CNBD1: variants seen among roughly 807,000 people sequenced by gnomAD.
The protein encoded by CNBD1 is cyclic nucleotide binding domain containing 1, also known as cyclic nucleotide-binding domain-containing protein 1.
Under a neutral mutation model 54.4 loss-of-function variants are expected in CNBD1, and 71 were observed. The ratio of observed to expected loss-of-function variants is 1.30; its 90% CI spans 1.08 to 1.59. CNBD1 has a LOEUF of 1.59. CNBD1 is among the 40% of genes most tolerant of loss of function. The pLI is 0.00. For missense variants in CNBD1, 659 were observed against 518.0 expected (o/e 1.27, Z -2.64); for synonymous variants, 182 against 170.7 (o/e 1.07, Z -0.51).
chr8:87,317,822 C>T (rs114050037), intron 8 of CNBD1, among the ~76,000 whole-genome samples: 2,016 of 152,068 alleles, frequency 0.013, 36 homozygotes, highest in African/African-American at 0.046. Flanking sequence ...ACTCTAAATA[C>T]ATAAGATTAG....
At chr8:87,178,788 G>A (rs1455767051) in intron 4 of CNBD1, among the ~76,000 whole-genome samples, 1 of 152,194 alleles carries the variant, frequency 6.6e-6, no homozygotes, top group Non-Finnish European at 1.5e-5. Context: ...AGAATACACA[G>A]GGCTTTCACA....
intron 8 of CNBD1, among the ~76,000 whole-genome samples, chr8:87,337,406 G>T (rs560743212): frequency 1.3e-5 from 2 of 152,294 alleles, no homozygotes; most frequent in Non-Finnish European, 2.9e-5. Context: ...AGCTGGAGTT[G>T]GATTTCCTAC....
intron 3 of CNBD1, among the ~76,000 whole-genome samples, chr8:86,932,847 C>G (rs933746089): frequency 2.6e-5 from 4 of 151,758 alleles, no homozygotes; most frequent in African/African-American, 9.7e-5. Flanking sequence ...TTTTTTCTTC[C>G]CCGCCCAATA....
rs76980282 is a variant in CNBD1, at chr8:87,276,278, G to T, written c.772-8400G>T. On this transcript the variant is annotated intron_variant, in intron 6 of 10. Transcript: ENST00000518476. The stretch of plus-strand genomic sequence containing the variant: ...CCTTTTATTAAGATGCTGTCATCTT[G>T]ATCCTTCTTTCAGTTTTTATTTTAT... Among the ~76,000 whole-genome samples the T allele has an allele frequency of 1.1e-3, 168 of 151,820 alleles. 3 individuals carry two copies. In the East Asian group the frequency reaches 0.027, roughly 25 times the overall value.
At chr8:87,164,190 G>A (rs1812913949) in intron 4 of CNBD1, among the ~76,000 whole-genome samples, 1 of 151,770 alleles carries the variant, frequency 6.6e-6, no homozygotes, top group South Asian at 2.1e-4. Context: ...TATTGAATAT[G>A]GTTTGCTGAT....
At chr8:87,309,868 G>A (rs59721110) in intron 8 of CNBD1, among the ~76,000 whole-genome samples, 7,735 of 152,044 alleles carry the variant, frequency 0.051, 644 homozygotes, top group African/African-American at 0.18. Context: ...AATAAAAGGT[G>A]TCCAAATAGG....
intron 4 of CNBD1, among the ~76,000 whole-genome samples, chr8:87,015,977 C>CAA (rs58453987): frequency 0.013 from 709 of 54,884 alleles, 2 homozygotes; most frequent in Non-Finnish European, 0.015. Flanking sequence ...GAATCCGTCT[C>CAA]AAAAAAAAAA....
At chr8:87,193,477 A>G (rs1395574036) in intron 4 of CNBD1, among the ~76,000 whole-genome samples, 1 of 152,220 alleles carries the variant, frequency 6.6e-6, no homozygotes, top group Non-Finnish European at 1.5e-5. Flanking sequence ...AATCAGTTTC[A>G]TCCCCAAATA....
intron 3 of CNBD1, among the ~76,000 whole-genome samples, chr8:86,906,956 T>C (rs1268869802): frequency 6.6e-6 from 1 of 152,214 alleles, no homozygotes; most frequent in Non-Finnish European, 1.5e-5. Context: ...AATTAAGATT[T>C]GTTTAAGTGT....
chr8:87,028,521 A>C (rs758787522), intron 4 of CNBD1, among the ~76,000 whole-genome samples: 3 of 152,226 alleles, frequency 2.0e-5, no homozygotes, highest in Non-Finnish European at 2.9e-5. Flanking sequence ...CCAAGGAGGA[A>C]GGCTTTAATC....
chr8:86,967,820 C>G (rs1262129433), intron 4 of CNBD1, among the ~76,000 whole-genome samples: 1 of 148,022 alleles, frequency 6.8e-6, no homozygotes, highest in South Asian at 2.1e-4. Context: ...TTTTTTTTAA[C>G]CTGCAGTTTT....
chr8:86,933,873 T>C (rs1809499855), intron 3 of CNBD1, among the ~76,000 whole-genome samples: 1 of 152,154 alleles, frequency 6.6e-6, no homozygotes, highest in Admixed American at 6.5e-5. Context: ...AACAATCCAA[T>C]TGAGTACATT....
intron 5 of CNBD1, among the ~76,000 whole-genome samples, chr8:87,233,370 T>C (rs1057113772): frequency 1.3e-5 from 2 of 152,204 alleles, no homozygotes; most frequent in African/African-American, 4.8e-5. Context: ...ATCACGATAA[T>C]GTGAGTCACA....
intron 2 of CNBD1, among the ~76,000 whole-genome samples, chr8:87,390,973 C>G (rs1476052431): frequency 2.0e-5 from 3 of 151,888 alleles, no homozygotes; most frequent in Non-Finnish European, 4.4e-5. Context: ...CCATCATTCT[C>G]AGCAAACTAT....
At chr8:87,353,592 T>C in intron 9 of CNBD1, 44 bp from the exon 10 acceptor site, 1 of 1,255,722 alleles carries the variant, frequency 8.0e-7, no homozygotes, top group South Asian at 1.4e-5. Context: ...ATTCATTATA[T>C]GGAAGCAGTT....
chr8:87,183,848 A>G (rs984927688), intron 4 of CNBD1, among the ~76,000 whole-genome samples: 1 of 152,214 alleles, frequency 6.6e-6, no homozygotes, highest in East Asian at 1.9e-4. Flanking sequence ...CCCTGGGGGC[A>G]CTAGGACCAG....
chr8:86,881,802 C>G (rs1409088385), intron 1 of CNBD1, among the ~76,000 whole-genome samples: 1 of 152,108 alleles, frequency 6.6e-6, no homozygotes, highest in African/African-American at 2.4e-5. Flanking sequence ...CAGCATGGTA[C>G]CAGTACAAGA....
intron 4 of CNBD1, among the ~76,000 whole-genome samples, chr8:87,048,634 C>T (rs1810250110): frequency 1.3e-5 from 2 of 152,122 alleles, no homozygotes; most frequent in South Asian, 4.1e-4. Flanking sequence ...TTAATTAGTA[C>T]TCTTACCACC....
chr8:87,330,307 T>G (rs962706660), intron 8 of CNBD1, among the ~76,000 whole-genome samples: 4 of 151,622 alleles, frequency 2.6e-5, no homozygotes, highest in Non-Finnish European at 5.9e-5. Context: ...GTTTTGGTTT[T>G]GTTGATTTTC....
Sources: gnomAD v4.1 joint callset for allele counts (sites outside exome capture counted in the v4.1 genomes callset) on GRCh38, gnomAD v4.1.1 for gene constraint, MANE v1.5 for transcripts, NCBI Gene and HGNC (gene_info 2026-07-23, HGNC 2026-07-21) for gene names.